The following EPAS1 variants were observed in gnomAD, a reference collection of about 807,000 sequenced individuals.
The protein encoded by EPAS1 is endothelial PAS domain protein 1.
In EPAS1, 23 loss-of-function variants were observed where a neutral mutation model predicts 87.9. That is an observed-to-expected ratio of 0.26 (90% CI 0.19 to 0.37). The LOEUF is 0.37. EPAS1 is among the 10% of genes least tolerant of loss of function. The pLI, the probability that EPAS1 is intolerant of heterozygous loss-of-function variation, is 1.00. For missense variants in EPAS1, 1,138 were observed against 1,120.7 expected (o/e 1.02, Z -0.22); for synonymous variants, 508 against 444.3 (o/e 1.14, Z -1.80).
intron 1 of EPAS1, among the ~76,000 whole-genome samples, chr2:46,334,107 C>T (rs1313667426): frequency 6.6e-6 from 1 of 152,182 alleles, no homozygotes; most frequent in East Asian, 1.9e-4. Context: ...TTTCATTTTC[C>T]TTGGCTTTGG....
At chr2:46,328,928 T>A (rs1558589308) in intron 1 of EPAS1, among the ~76,000 whole-genome samples, 1 of 152,120 alleles carries the variant, frequency 6.6e-6, no homozygotes, top group African/African-American at 2.4e-5. Flanking sequence ...TTTTTGTTCA[T>A]AAAAAAAATT....
At chr2:46,350,494 GATT>G (rs1159681778) in intron 2 of EPAS1, among the ~76,000 whole-genome samples, 1 of 152,188 alleles carries the variant, frequency 6.6e-6, no homozygotes, top group Non-Finnish European at 1.5e-5. Context: ...CTGGGCTGCC[GATT>G]GAGATTCGTA....
intron 1 of EPAS1, among the ~76,000 whole-genome samples, chr2:46,340,131 G>A (rs377185846): frequency 5.8e-4 from 89 of 152,236 alleles, no homozygotes; most frequent in African/African-American, 1.9e-3. Flanking sequence ...CGTGTCCTCC[G>A]GTTACGTAAG....
intron 1 of EPAS1, among the ~76,000 whole-genome samples, chr2:46,342,441 A>T (rs982527063): frequency 6.6e-6 from 1 of 152,232 alleles, no homozygotes; most frequent in Non-Finnish European, 1.5e-5. Context: ...AGCTGGCTTA[A>T]TTAGCCTCAG....
chr2:46,336,132 C>T (rs1683787369), intron 1 of EPAS1, among the ~76,000 whole-genome samples: 1 of 152,194 alleles, frequency 6.6e-6, no homozygotes, highest in African/African-American at 2.4e-5. Context: ...GAGGCCAAGG[C>T]AGCTGGGATC....
chr2:46,345,314 C>T (rs144875673), intron 1 of EPAS1, among the ~76,000 whole-genome samples: 388 of 152,180 alleles, frequency 2.5e-3, no homozygotes, highest in African/African-American at 8.8e-3. Flanking sequence ...TCATTAAATA[C>T]GCAATATAGG....
At chr2:46,330,401 G>A (rs1204349131) in intron 1 of EPAS1, among the ~76,000 whole-genome samples, 1 of 152,212 alleles carries the variant, frequency 6.6e-6, no homozygotes, top group Non-Finnish European at 1.5e-5. Flanking sequence ...GCTCTCTCAA[G>A]TCCAGGCTAC....
At chr2:46,324,223 C>G (rs749598989) in intron 1 of EPAS1, among the ~76,000 whole-genome samples, 1 of 152,046 alleles carries the variant, frequency 6.6e-6, no homozygotes, top group Non-Finnish European at 1.5e-5. Flanking sequence ...CCCGCCACCA[C>G]GCCTGGCTAA....
chr2:46,327,048 A>G (rs1356408513), intron 1 of EPAS1, among the ~76,000 whole-genome samples: 2 of 152,214 alleles, frequency 1.3e-5, no homozygotes, highest in Non-Finnish European at 2.9e-5. Flanking sequence ...GCCCATAAAC[A>G]TTGGTCTCAG....
At chr2:46,319,736 C>G (rs1683415811) in intron 1 of EPAS1, among the ~76,000 whole-genome samples, 1 of 152,110 alleles carries the variant, frequency 6.6e-6, no homozygotes, top group South Asian at 2.1e-4. Flanking sequence ...TTCTTTGATT[C>G]ATTTTTAAAT....
chr2:46,327,539 TA>T (rs913039979), intron 1 of EPAS1, among the ~76,000 whole-genome samples: 1 of 152,172 alleles, frequency 6.6e-6, no homozygotes, highest in Non-Finnish European at 1.5e-5. Flanking sequence ...ACACTGCCAT[TA>T]ATATTTAAAT....
intron 1 of EPAS1, among the ~76,000 whole-genome samples, chr2:46,331,851 G>A (rs1368094376): frequency 3.3e-5 from 5 of 152,138 alleles, no homozygotes; most frequent in South Asian, 2.1e-4. Context: ...AATCAGACAC[G>A]GCGCTGCCTC....
intron 2 of EPAS1, among the ~76,000 whole-genome samples, chr2:46,348,496 A>G (rs567840060): frequency 6.6e-6 from 1 of 152,344 alleles, no homozygotes; most frequent in South Asian, 2.1e-4. Context: ...AAGAGTAGAC[A>G]GTGGAGGATT....
At position 46,297,683 on chromosome 2, in the gene EPAS1, C is replaced by G. The variant is rs1682907497; in HGVS notation, c.-229C>G. The G allele has an allele frequency of 1.8e-6, 1 of 566,884 alleles. No homozygotes were observed. The allele number at this position is 566,884 out of a possible 1,614,324, so 35.1% of individuals were successfully genotyped here. A position where few individuals can be genotyped will look rare whatever the true frequency, so the allele number is the denominator to read the frequency against. ...CCTCCACCCACTCCTTCCCCGGACCCCGCCTCCGCGCGCAGGTTCCTCCCA... is the reference window on the plus strand; with the variant it reads ...CCTCCACCCACTCCTTCCCCGGACCGCGCCTCCGCGCGCAGGTTCCTCCCA... On this transcript the variant is annotated 5_prime_UTR_variant, in exon 1 of 16. Transcript: ENST00000263734.
chr2:46,304,999 A>G (rs1421357148), intron 1 of EPAS1, among the ~76,000 whole-genome samples: 1 of 152,184 alleles, frequency 6.6e-6, no homozygotes, highest in East Asian at 1.9e-4. Flanking sequence ...GGGTACCTTG[A>G]GTTTTTCTAG....
chr2:46,302,778 G>C (rs1009009889), intron 1 of EPAS1, among the ~76,000 whole-genome samples: 1 of 146,922 alleles, frequency 6.8e-6, no homozygotes, highest in Non-Finnish European at 1.5e-5. Context: ...GGAAGCTTAA[G>C]TAAAAATATA....
chr2:46,363,731 T>C (rs1172723146), intron 6 of EPAS1, among the ~76,000 whole-genome samples: 1 of 152,184 alleles, frequency 6.6e-6, no homozygotes, highest in Non-Finnish European at 1.5e-5. Flanking sequence ...ACTCATAATG[T>C]AGAGGGTGAT....
chr2:46,331,511 C>A (rs978679368), intron 1 of EPAS1, among the ~76,000 whole-genome samples: 10 of 152,152 alleles, frequency 6.6e-5, no homozygotes, highest in African/African-American at 2.4e-4. Context: ...TAGATCTTTC[C>A]TCTAGGTGGC....
intron 2 of EPAS1, among the ~76,000 whole-genome samples, chr2:46,352,315 T>A (rs981869740): frequency 6.6e-6 from 1 of 152,202 alleles, no homozygotes; most frequent in Non-Finnish European, 1.5e-5. Flanking sequence ...GTCTGTCGAT[T>A]CCGAGGGAAG....
Sources: allele counts gnomAD v4.1 joint callset (sites outside exome capture counted in the v4.1 genomes callset), GRCh38; gene constraint gnomAD v4.1.1; transcripts MANE v1.5; gene names NCBI Gene and HGNC (gene_info 2026-07-23, HGNC 2026-07-21).